Variants in CCDC102B observed in about 807,000 individuals in gnomAD.
CCDC102B encodes coiled-coil domain-containing protein 102B.
CCDC102B carries 75 observed loss-of-function variants against 57.4 expected under a neutral mutation model. The ratio of observed to expected loss-of-function variants is 1.31; its 90% CI spans 1.08 to 1.58. The LOEUF is 1.58. CCDC102B is among the 40% of genes most tolerant of loss of function. CCDC102B has a pLI of 0.00. For synonymous variants in CCDC102B, 206 were observed against 201.9 expected, an observed-to-expected ratio of 1.02 and a Z score of -0.17; for missense variants, 636 against 582.6, an observed-to-expected ratio of 1.09 and a Z score of -0.94.
intron 2 of CCDC102B, among the ~76,000 whole-genome samples, chr18:68,757,237 C>T (rs56277631): frequency 0.065 from 9,827 of 152,094 alleles, 586 homozygotes; most frequent in African/African-American, 0.16. Context: ...TATTAGCTTG[C>T]ATGAAGAAAA....
chr18:68,928,998 G>GCAGT (rs2041574736), intron 6 of CCDC102B, among the ~76,000 whole-genome samples: 1 of 151,874 alleles, frequency 6.6e-6, no homozygotes. Context: ...GAGAGGCAAT[G>GCAGT]CAGTCAGTCA....
intron 2 of CCDC102B, among the ~76,000 whole-genome samples, chr18:68,756,891 G>A (rs2034069530): frequency 6.6e-6 from 1 of 151,948 alleles, no homozygotes; most frequent in African/African-American, 2.4e-5. Context: ...GTGTGTGTGT[G>A]TGTGTGTGTG....
chr18:69,035,575 A>G (rs1196347671), intron 7 of CCDC102B, among the ~76,000 whole-genome samples: 1 of 152,126 alleles, frequency 6.6e-6, no homozygotes, highest in Non-Finnish European at 1.5e-5. Flanking sequence ...AGAATCATGT[A>G]ACAAATGCTA....
chr18:68,751,409 A>G (rs981310197), intron 2 of CCDC102B, among the ~76,000 whole-genome samples: 3 of 152,224 alleles, frequency 2.0e-5, no homozygotes, highest in African/African-American at 7.2e-5. Context: ...TTCTTGCACC[A>G]AGAAACACTA....
At chr18:68,848,164 A>G (rs933233622) in intron 4 of CCDC102B, among the ~76,000 whole-genome samples, 2 of 151,914 alleles carry the variant, frequency 1.3e-5, no homozygotes, top group Non-Finnish European at 2.9e-5. Context: ...TAGAAATAGT[A>G]TTGTAGCACA....
chr18:68,842,588 A>C (rs113219930), intron 3 of CCDC102B, among the ~76,000 whole-genome samples: 1 of 152,156 alleles, frequency 6.6e-6, no homozygotes, highest in Non-Finnish European at 1.5e-5. Flanking sequence ...CCGCAAGGCA[A>C]TAGACAGCAT....
intron 1 of CCDC102B, among the ~76,000 whole-genome samples, chr18:68,818,795 A>G (rs2144732402): frequency 6.6e-6 from 1 of 152,290 alleles, no homozygotes; most frequent in Non-Finnish European, 1.5e-5. Flanking sequence ...TTGAGCAATT[A>G]GGAATAATGT....
intron 2 of CCDC102B, among the ~76,000 whole-genome samples, chr18:68,748,256 G>A (rs527648659): frequency 7.1e-6 from 1 of 141,226 alleles, no homozygotes; most frequent in African/African-American, 2.7e-5. Context: ...GTGTGTGTGT[G>A]TTTGCTATTG....
At chr18:68,981,780 T>C (rs2050588580) in intron 6 of CCDC102B, among the ~76,000 whole-genome samples, 1 of 151,904 alleles carries the variant, frequency 6.6e-6, no homozygotes, top group African/African-American at 2.4e-5. Flanking sequence ...TAGAATTATT[T>C]AGAAAGACAA....
At chr18:68,810,690 T>TA (rs1568263234) in intron 1 of CCDC102B, among the ~76,000 whole-genome samples, 50 of 138,960 alleles carry the variant, frequency 3.6e-4, no homozygotes, top group African/African-American at 1.4e-3. Context: ...GTTTTTTTTT[T>TA]TTTTTTTTTT....
intron 1 of CCDC102B, among the ~76,000 whole-genome samples, chr18:68,808,932 A>T (rs1263992050): frequency 6.6e-6 from 1 of 152,222 alleles, no homozygotes; most frequent in African/African-American, 2.4e-5. Context: ...TTAAAAATTT[A>T]TGTCATAAGA....
intron 2 of CCDC102B, chr18:68,753,977 C>T (rs2033955679): frequency 6.6e-6 from 1 of 152,002 alleles, no homozygotes; most frequent in Non-Finnish European, 1.5e-5. Flanking sequence ...CTTTTTTAAA[C>T]ACTCCATATG....
chr18:69,000,410 A>G (rs2051169242), intron 6 of CCDC102B, among the ~76,000 whole-genome samples: 1 of 152,176 alleles, frequency 6.6e-6, no homozygotes, highest in Non-Finnish European at 1.5e-5. Context: ...CATTTGTTCT[A>G]ACCTAGAATA....
intron 1 of CCDC102B, among the ~76,000 whole-genome samples, chr18:68,824,484 G>T (rs1240042058): frequency 6.6e-6 from 1 of 152,098 alleles, no homozygotes; most frequent in Non-Finnish European, 1.5e-5. Flanking sequence ...TTTCAGTTTG[G>T]ATGACTTTTA....
In CCDC102B at chr18:69,036,715, A is replaced by C. The variant is rs551775194; in HGVS notation, c.1435-17315A>C. Among the ~76,000 whole-genome samples, 3 of 152,190 alleles carry C rather than the reference A, an allele frequency of 2.0e-5. No individual in the cohort carries two copies. In the Admixed American group the frequency reaches 2.0e-4, roughly 10 times the overall value. ...ATTTGCATTGTGAAATGCAAAGGAGAGAAACAGAGGCCATTAAAATATAGA... is the reference window on the plus strand; with the variant it reads ...ATTTGCATTGTGAAATGCAAAGGAGCGAAACAGAGGCCATTAAAATATAGA... On this transcript the variant is annotated intron_variant, in intron 7 of 7. Coordinates refer to ENST00000360242, the MANE Select transcript of CCDC102B (RefSeq NM_024781.3).
At chr18:68,964,327 TC>T (rs2050117708) in intron 6 of CCDC102B, among the ~76,000 whole-genome samples, 1 of 151,766 alleles carries the variant, frequency 6.6e-6, no homozygotes, top group South Asian at 2.1e-4. Flanking sequence ...ATTTCCAAAA[TC>T]TCAGTTTAAT....
chr18:68,863,883 T>C (rs1470132433), intron 4 of CCDC102B, among the ~76,000 whole-genome samples: 2 of 151,978 alleles, frequency 1.3e-5, no homozygotes, highest in Non-Finnish European at 2.9e-5. Context: ...TTAGTAATAA[T>C]ACATCAATTT....
At chr18:68,849,865 C>G (rs1401689745) in intron 4 of CCDC102B, among the ~76,000 whole-genome samples, 1 of 152,094 alleles carries the variant, frequency 6.6e-6, no homozygotes, top group Non-Finnish European at 1.5e-5. Flanking sequence ...TGGAGGGCAG[C>G]CTTCTCCATC....
intron 5 of CCDC102B, among the ~76,000 whole-genome samples, chr18:68,877,153 T>C (rs1257094507): frequency 6.6e-6 from 1 of 152,232 alleles, no homozygotes; most frequent in Non-Finnish European, 1.5e-5. Flanking sequence ...CTTAGGTTGA[T>C]GATTGAATTA....
Sources: gnomAD v4.1 joint callset for allele counts (sites outside exome capture counted in the v4.1 genomes callset) on GRCh38, gnomAD v4.1.1 for gene constraint, MANE v1.5 for transcripts, NCBI Gene and HGNC (gene_info 2026-07-23, HGNC 2026-07-21) for gene names.